FER: variants seen among roughly 807,000 people sequenced by gnomAD.
FER encodes tyrosine-protein kinase Fer.
A neutral mutation model predicts 111.0 loss-of-function variants in FER; 63 were observed. The observed-to-expected ratio is 0.57, with a 90% confidence interval of 0.46 to 0.70. FER has a LOEUF of 0.70. Ranked by LOEUF, FER falls within the 30% of genes least tolerant of loss-of-function variation. The pLI, the probability that FER is intolerant of heterozygous loss-of-function variation, is 0.00. For synonymous variants in FER, 327 were observed against 313.9 expected, an observed-to-expected ratio of 1.04 and a Z score of -0.44; for missense variants, 914 against 954.0, an observed-to-expected ratio of 0.96 and a Z score of 0.55.
At chr5:108,960,207 T>G (rs1236531889) in intron 13 of FER, among the ~76,000 whole-genome samples, 1 of 152,178 alleles carries the variant, frequency 6.6e-6, no homozygotes, top group Non-Finnish European at 1.5e-5. Context: ...AGAATGCTGG[T>G]ACCTAGTCTG....
chr5:108,955,026 C>T (rs1357223662), intron 12 of FER, 94 bp downstream of exon 12: 4 of 1,070,318 alleles, frequency 3.7e-6, no homozygotes, highest in East Asian at 5.2e-5. Context: ...TAAATGCCTG[C>T]AACACTTGAA....
intron 2 of FER, among the ~76,000 whole-genome samples, chr5:108,772,942 C>G (rs962974517): frequency 1.3e-5 from 2 of 152,162 alleles, no homozygotes; most frequent in Non-Finnish European, 2.9e-5. Flanking sequence ...GATGTGTAAG[C>G]AAGTACATAG....
chr5:108,778,148 G>C lies in FER; in HGVS notation c.-60+9910G>C, dbSNP rs1753694898. Among the ~76,000 whole-genome samples the C allele has an allele frequency of 3.9e-5, 6 of 151,956 alleles. No individual in the cohort carries two copies. The South Asian group carries it at 1.2e-3, about 31-fold the overall frequency. On this transcript the variant is annotated intron_variant, in intron 2 of 19. Transcript: ENST00000281092. ...GCTTGATAGTTCAGTTCTTTTTAGT[G>C]CTGAATAATATTCCATTGTTTGTAT...
At chr5:109,097,065 G>T (rs867078686) in intron 16 of FER, among the ~76,000 whole-genome samples, 33 of 150,622 alleles carry the variant, frequency 2.2e-4, no homozygotes, top group Middle Eastern at 7.0e-3. Context: ...CTAGGCACAT[G>T]CTTGATACTT....
At chr5:109,042,520 C>A (rs1193173010) in intron 14 of FER, among the ~76,000 whole-genome samples, 2 of 152,052 alleles carry the variant, frequency 1.3e-5, no homozygotes, top group African/African-American at 4.8e-5. Context: ...AGACTGTCCC[C>A]CTGACCACCG....
chr5:108,815,579 C>T (rs1216671570), intron 3 of FER, among the ~76,000 whole-genome samples: 2 of 152,010 alleles, frequency 1.3e-5, no homozygotes, highest in African/African-American at 4.8e-5. Context: ...TTTTACTTTG[C>T]TTCTTCTTCT....
At chr5:108,864,675 C>T (rs545414645) in intron 5 of FER, among the ~76,000 whole-genome samples, 5 of 152,170 alleles carry the variant, frequency 3.3e-5, no homozygotes, top group East Asian at 1.9e-4. Context: ...TGTAGATATG[C>T]GGCATTATTT....
At chr5:108,877,293 G>C (rs781581495) in intron 8 of FER, among the ~76,000 whole-genome samples, 5 of 152,164 alleles carry the variant, frequency 3.3e-5, no homozygotes, top group Non-Finnish European at 5.9e-5. Flanking sequence ...CTTTAAGAGT[G>C]AGTTGGAAAG....
At chr5:109,108,674 T>A (rs551406147) in intron 17 of FER, among the ~76,000 whole-genome samples, 5 of 152,202 alleles carry the variant, frequency 3.3e-5, no homozygotes, top group Non-Finnish European at 5.9e-5. Flanking sequence ...AAGCATTGAT[T>A]TGAGAATTCA....
intron 5 of FER, among the ~76,000 whole-genome samples, chr5:108,839,242 C>T (rs1046916320): frequency 6.6e-6 from 1 of 151,986 alleles, no homozygotes; most frequent in African/African-American, 2.4e-5. Context: ...GAAGAGCTGA[C>T]CAAGAAGAAA....
intron 10 of FER, among the ~76,000 whole-genome samples, chr5:108,909,355 C>T (rs1002035131): frequency 6.6e-6 from 1 of 152,056 alleles, no homozygotes; most frequent in African/African-American, 2.4e-5. Flanking sequence ...TTTAAATCAT[C>T]GGTTTACTTC....
intron 12 of FER, among the ~76,000 whole-genome samples, chr5:108,956,238 CT>C (rs1758411886): frequency 6.6e-6 from 1 of 151,552 alleles, no homozygotes; most frequent in Non-Finnish European, 1.5e-5. Flanking sequence ...ATAACCTACC[CT>C]ATTACAATTT....
intron 6 of FER, among the ~76,000 whole-genome samples, chr5:108,869,636 C>T (rs1043828792): frequency 9.9e-5 from 15 of 152,006 alleles, no homozygotes; most frequent in South Asian, 4.2e-4. Context: ...AGGGCTCCCC[C>T]GTGCCATGAC....
At chr5:108,991,838 T>C (rs1335652292) in intron 13 of FER, among the ~76,000 whole-genome samples, 1 of 150,838 alleles carries the variant, frequency 6.6e-6, no homozygotes, top group Non-Finnish European at 1.5e-5. Context: ...GGCTGAGTAA[T>C]TCTATTTCCT....
chr5:108,871,951 G>T, intron 7 of FER, 142 bp from the exon 8 acceptor site: 2 of 819,584 alleles, frequency 2.4e-6, no homozygotes, highest in Non-Finnish European at 3.6e-6. Flanking sequence ...TGAAACCCAG[G>T]ATTTAGTTTG....
intron 2 of FER, among the ~76,000 whole-genome samples, chr5:108,780,546 A>G (rs1753950086): frequency 6.6e-6 from 1 of 150,746 alleles, no homozygotes. Flanking sequence ...TTTTTTCTTT[A>G]TCTTTTATTT....
chr5:108,768,154 G>T lies in FER; in HGVS notation c.-144G>T, dbSNP rs1370769535. 6.6e-6 allele frequency: 1 copy of T among 152,186 alleles called. No individual in the cohort carries two copies. Among genetic ancestry groups the T allele is most frequent in the Non-Finnish European group, 1.5e-5 (1 of 68,052 alleles). 9.4% of individuals were successfully genotyped at this position (152,186 alleles called of 1,614,324 possible). A position where few individuals can be genotyped will look rare whatever the true frequency, so the allele number is the denominator to read the frequency against. The stretch of plus-strand genomic sequence containing the variant: ...TAGACTTCACTGCACGTTTTCTCAA[G>T]TATCTTCTTTGTCCCTAATGTGTGA... On this transcript the variant is annotated 5_prime_UTR_variant, in exon 2 of 20. Transcript: ENST00000281092.
At chr5:109,177,801 A>G (rs1304622353) in intron 17 of FER, among the ~76,000 whole-genome samples, 1 of 152,230 alleles carries the variant, frequency 6.6e-6, no homozygotes, top group African/African-American at 2.4e-5. Flanking sequence ...ATTTGCTGTT[A>G]TATCCCTCTG....
At chr5:108,966,932 C>T (rs66851282) in intron 13 of FER, among the ~76,000 whole-genome samples, 40,017 of 151,908 alleles carry the variant, frequency 0.26, 5,821 homozygotes, top group African/African-American at 0.4. Flanking sequence ...AATTGGAAAA[C>T]TCGTAAACTG....
Sources: allele counts gnomAD v4.1 joint callset (sites outside exome capture counted in the v4.1 genomes callset), GRCh38; gene constraint gnomAD v4.1.1; transcripts MANE v1.5; gene names NCBI Gene and HGNC (gene_info 2026-07-23, HGNC 2026-07-21).